Variants in RCC1L observed in about 807,000 individuals in gnomAD.
The protein encoded by RCC1L is RCC1-like G exchanging factor-like protein.
Under a neutral mutation model 58.6 loss-of-function variants are expected in RCC1L, and 46 were observed. The observed-to-expected ratio is 0.79, with a 90% CI of 0.62 to 1.00. The LOEUF is 1.00. RCC1L is among the 50% of genes least tolerant of loss of function. The pLI, the probability that RCC1L is intolerant of heterozygous loss-of-function variation, is 0.00. For synonymous variants in RCC1L, 281 were observed against 262.9 expected, an observed-to-expected ratio of 1.07 and a Z score of -0.67; for missense variants, 636 against 623.6, an observed-to-expected ratio of 1.02 and a Z score of -0.21.
At chr7:75,039,939 G>C (rs998226748), downstream of RCC1L, among the ~76,000 whole-genome samples, 1 of 152,146 alleles carries the variant, frequency 6.6e-6, no homozygotes, top group Non-Finnish European at 1.5e-5. Context: ...GGGGTTGGGG[G>C]AGGGGCGGCA....
intron 10 of RCC1L, among the ~76,000 whole-genome samples, chr7:75,033,950 G>A (rs1480309745): frequency 1.3e-5 from 2 of 152,140 alleles, no homozygotes; most frequent in Non-Finnish European, 1.5e-5. Flanking sequence ...TGCCGACCCT[G>A]GTTTTGTCAT....
intron 6 of RCC1L, among the ~76,000 whole-genome samples, chr7:75,060,043 T>G (rs1164456759): frequency 6.6e-6 from 1 of 152,204 alleles, no homozygotes; most frequent in African/African-American, 2.4e-5. Context: ...ATTACAGGCA[T>G]GAGCCACCGC....
At position 75,061,233 on chromosome 7, in the gene RCC1L, C is replaced by G. The variant is rs2131999687; in HGVS notation, c.761G>C (p.Cys254Ser). The change falls in exon 6 of 11, where the codon TGT becomes TCT. Residue 254 changes from cysteine (C) to serine (S), a missense_variant. Physicochemically the swap from Cys to Ser is moderately radical, Grantham distance 112. Transcript: ENST00000610322. ...FLTDKGEVYS[C>S]GWGADGQTGL... ...TGTTTGCCCATCAGCACCCCATCCA[C>G]AAGAATAGACTTCTCCTTTATCCGT... is the stretch of plus-strand genomic sequence containing the variant. 1 of 1,613,840 alleles carries G rather than the reference C, an allele frequency of 6.2e-7. No homozygotes were observed. The highest frequency in any genetic ancestry group is 1.3e-5 in the African/African-American group (1 of 75,028).
At chr7:75,071,625 A>G (rs1394389316) in intron 1 of RCC1L, among the ~76,000 whole-genome samples, 2 of 151,870 alleles carry the variant, frequency 1.3e-5, no homozygotes, top group Non-Finnish European at 2.9e-5. Flanking sequence ...GGGTGACAGA[A>G]TAAGACTCTG....
Position 75,056,741 on chromosome 7 carries a change from G to A in RCC1L, c.1058-667C>T. On this transcript the variant is annotated intron_variant, in intron 8 of 10. Coordinates refer to ENST00000610322, the MANE Select transcript of RCC1L (RefSeq NM_030798.5). ...GCCATGTATCTACAGATAAATCGCA[G>A]ACTATTCGCTTTTTGTTAAGAACTT... 2.6e-6 allele frequency: 4 copies of A among 1,534,374 alleles called. No homozygotes were observed. The South Asian group carries it at 4.8e-5, about 18-fold the overall frequency.
At chr7:75,070,559 G>C in intron 2 of RCC1L, 81 bp downstream of exon 2, 1 of 1,555,546 alleles carries the variant, frequency 6.4e-7, no homozygotes, top group Non-Finnish European at 8.7e-7. Context: ...AACAGACTGA[G>C]ACTCTGTCTC....
chr7:75,043,726 A>G (rs1270236436), intron 10 of RCC1L, among the ~76,000 whole-genome samples: 4 of 152,016 alleles, frequency 2.6e-5, no homozygotes, highest in African/African-American at 9.7e-5. Context: ...GAGGTGGGAG[A>G]ATTGCTTGAA....
chr7:75,058,879 A>G, intron 6 of RCC1L, 110 bp from the exon 7 acceptor site: 1 of 1,384,882 alleles, frequency 7.2e-7, no homozygotes, highest in Non-Finnish European at 1.0e-6. Flanking sequence ...GTATCAGCTC[A>G]GAAATCCCAG....
At chr7:75,073,390 GAA>G in intron 1 of RCC1L, 22 bp downstream of exon 1, 1 of 1,045,142 alleles carries the variant, frequency 9.6e-7, no homozygotes, top group Non-Finnish European at 1.3e-6. Flanking sequence ...GAGAAGGAGA[GAA>G]GGAGGAAGCC....
Position 75,042,939 on chromosome 7 carries a change from T to C in RCC1L, c.*93A>G. 6.3e-7 allele frequency: 1 copy of C among 1,599,338 alleles called. No homozygotes were observed. Among genetic ancestry groups the C allele is most frequent in the African/African-American group, 1.3e-5 (1 of 74,862 alleles). ...CACGCAGGGTCCTCCGCCACCACCA[T>C]CCAAGAACCCCGGGGGGCTGGCCAC... On this transcript the variant is annotated 3_prime_UTR_variant, in exon 11 of 11. Transcript: ENST00000610322.
chr7:75,059,332 G>A (rs1262779039), intron 6 of RCC1L, among the ~76,000 whole-genome samples: 3 of 149,190 alleles, frequency 2.0e-5, no homozygotes, highest in Admixed American at 6.7e-5. Flanking sequence ...GTGCGATCTC[G>A]GCTCACTGCA....
rs981479017 is a variant in RCC1L, at chr7:75,070,331, G to T, written c.454+309C>A. Among the ~76,000 whole-genome samples the T allele has an allele frequency of 5.9e-5, 9 of 152,178 alleles. 1 individual carries two copies. The highest frequency in any genetic ancestry group is 8.8e-5 in the Non-Finnish European group (6 of 68,044). ...CATGCCTGTAATCACAGCACTTTGGGAGGCTGAGGAGGGTGGATCACCTGA... is the reference window on the plus strand; with the variant it reads ...CATGCCTGTAATCACAGCACTTTGGTAGGCTGAGGAGGGTGGATCACCTGA... On this transcript the variant is annotated intron_variant, in intron 2 of 10. Coordinates refer to ENST00000610322, the MANE Select transcript of RCC1L (RefSeq NM_030798.5).
rs921019959 is a variant in RCC1L, at chr7:75,060,674, G to A, written c.787+533C>T. Among the ~76,000 whole-genome samples the A allele has an allele frequency of 4.6e-5, 7 of 152,032 alleles. No homozygotes were observed. The South Asian group carries it at 1.0e-3, about 23-fold the overall frequency. ...TCAAACTCCTGACCTCAAGTGATCC[G>A]CCCACCTCGGCCTCCCAAAGTGCTG... On this transcript the variant is annotated intron_variant, in intron 6 of 10. Coordinates refer to ENST00000610322, the MANE Select transcript of RCC1L (RefSeq NM_030798.5).
Position 75,067,187 on chromosome 7 carries a change from G to C in RCC1L, c.455-395C>G, listed in dbSNP as rs587705419. Among the ~76,000 whole-genome samples the C allele has an allele frequency of 2.0e-5, 3 of 152,178 alleles. No homozygotes were observed. The East Asian group carries it at 5.8e-4, about 29-fold the overall frequency. ...ATGGTGGCGGGCGCCTCTAATCCCA[G>C]CTACTCGGGAGGCTGAGGCAGAAGA... On this transcript the variant is annotated intron_variant, in intron 2 of 10. Coordinates refer to ENST00000610322, the MANE Select transcript of RCC1L (RefSeq NM_030798.5).
intron 7 of RCC1L, chr7:75,058,283 C>G (rs962814977): frequency 0.015 from 5,434 of 371,526 alleles, 163 homozygotes; most frequent in African/African-American, 0.073. Context: ...GTCACCCAGG[C>G]TGGAATGTGG....
intron 8 of RCC1L, chr7:75,056,518 G>T: frequency 6.6e-7 from 1 of 1,508,758 alleles, no homozygotes. Flanking sequence ...TGATGTTTTG[G>T]TTATAGAAAG....
chr7:75,067,153 T>G (rs976289244), intron 2 of RCC1L, among the ~76,000 whole-genome samples: 1 of 151,656 alleles, frequency 6.6e-6, no homozygotes, highest in Admixed American at 6.6e-5. Context: ...ATACAAAAAT[T>G]AGCCGGGCAT....
Position 75,064,604 on chromosome 7 carries a change from C to T in RCC1L, c.628G>A (p.Val210Met). The change falls in exon 4 of 11, where the codon GTG becomes ATG. Residue 210 changes from valine (V) to methionine (M), a missense_variant. Coordinates refer to ENST00000610322, the MANE Select transcript of RCC1L (RefSeq NM_030798.5). ...NNSYGQCGRK[V>M]VENEIYSESH... is the part of the protein sequence containing the mutation. The stretch of plus-strand genomic sequence containing the variant: ...CACCTGTAAATTTCATTTTCGACCA[C>T]CTTTCTTCCACATTGCCCATAAGAA... 6.2e-7 allele frequency: 1 copy of T among 1,613,896 alleles called. No homozygotes were observed. Among genetic ancestry groups the T allele is most frequent in the Non-Finnish European group, 8.5e-7 (1 of 1,179,856 alleles).
At chr7:75,059,879 G>A (rs1228626104) in intron 6 of RCC1L, among the ~76,000 whole-genome samples, 2 of 152,196 alleles carry the variant, frequency 1.3e-5, no homozygotes, top group African/African-American at 4.8e-5. Context: ...TCCCGCCTCA[G>A]CCTCCTGAGT....
Sources: allele counts gnomAD v4.1 joint callset (sites outside exome capture counted in the v4.1 genomes callset), GRCh38; gene constraint gnomAD v4.1.1; transcripts MANE v1.5; gene names NCBI Gene and HGNC (gene_info 2026-07-23, HGNC 2026-07-21).